Variants in HAND1 observed in about 807,000 individuals in gnomAD.
The protein encoded by HAND1 is heart and neural crest derivatives expressed 1, also known as heart- and neural crest derivatives-expressed protein 1.
A neutral mutation model predicts 14.5 loss-of-function variants in HAND1; 10 were observed. That is an observed-to-expected ratio of 0.69 (90% CI 0.42 to 1.17). HAND1 has a LOEUF of 1.17. Ranked by LOEUF, HAND1 falls within the 50% of genes most tolerant of loss-of-function variation. The pLI is 0.00. For synonymous variants in HAND1, 128 were observed against 127.1 expected, an observed-to-expected ratio of 1.01 and a Z score of -0.05; for missense variants, 299 against 298.4, an observed-to-expected ratio of 1.00 and a Z score of -0.01.
chr5:154,477,064 C>G (rs748481830), intron 1 of HAND1, among the ~76,000 whole-genome samples: 1 of 152,132 alleles, frequency 6.6e-6, no homozygotes, highest in Non-Finnish European at 1.5e-5. Flanking sequence ...AGCAAAGGCC[C>G]TTTGAAAACA....
rs1397025136 is a variant in HAND1 at position 154,477,996 on chromosome 5, C to G, written c.13G>C (p.Gly5Arg). 10 of 1,597,800 alleles carry G rather than the reference C, an allele frequency of 6.3e-6. No individual in the cohort carries two copies. Among genetic ancestry groups the G allele is most frequent in the Non-Finnish European group, 8.5e-6 (10 of 1,179,884 alleles). The change falls in exon 1 of 2, where the codon GGC (glycine) becomes CGC (arginine). Residue 5 changes from glycine (G) to arginine (R), a missense_variant. Gly to Arg is a moderately radical substitution (Grantham distance 125, BLOSUM62 -2). Transcript: ENST00000231121. The stretch of plus-strand genomic sequence containing the variant: ...TGGTGGTGATGGTGTGCGTAGCTGC[C>G]CACGAGGTTCATGTTGGAGCGGCTA... MNLV[G>R]SYAHHHHHHH...
At position 154,477,658 on chromosome 5, in the gene HAND1, C is replaced by A. The variant is rs536000696; in HGVS notation, c.351G>T (p.Leu117Phe). Residue 117 changes from leucine (L) to phenylalanine (F), a missense_variant, in exon 1 of 2, where the codon TTG (leucine) becomes TTT (phenylalanine). Physicochemically the swap from Leu to Phe is conservative, Grantham distance 22. Transcript: ENST00000231121. The part of the protein sequence containing the change: ...TESINSAFAE[L>F]RECIPNVPAD... ...CCGGCACGTTGGGGATGCACTCGCG[C>A]AACTCCGCGAATGCGCTGTTAATGC... The A allele has an allele frequency of 6.2e-7, 1 of 1,614,256 alleles. No individual in the cohort carries two copies. Among genetic ancestry groups the A allele is most frequent in the African/African-American group, 1.3e-5 (1 of 75,074 alleles).
rs929460819 is a variant in HAND1, at chr5:154,475,892, G to C, written c.562C>G (p.Pro188Ala). The change falls in exon 2 of 2, where the codon CCT becomes GCT. Residue 188 changes from proline (P) to alanine (A), a missense_variant. Transcript: ENST00000231121. ...KRELQQHEGF[P>A]PALGPVEKRI... Reference sequence around the variant, plus strand: ...TTCTCGACTGGGCCCAGGGCAGGAGGAAAACCTTCGTGCTGCTGCTGCCAA... The same window carrying C: ...TTCTCGACTGGGCCCAGGGCAGGAGCAAAACCTTCGTGCTGCTGCTGCCAA... 6.8e-6 allele frequency: 11 copies of C among 1,613,712 alleles called. No individual in the cohort carries two copies. The highest frequency in any genetic ancestry group is 9.3e-6 in the Non-Finnish European group (11 of 1,179,708).
At position 154,478,200 on chromosome 5, in the gene HAND1, G is replaced by A. The variant is rs578193925; in HGVS notation, c.-192C>T. 3.4e-5 allele frequency: 22 copies of A among 644,368 alleles called. No homozygotes were observed. Among genetic ancestry groups the A allele is most frequent in the African/African-American group, 2.7e-4 (15 of 55,058 alleles). 39.9% of individuals were successfully genotyped at this position (644,368 alleles called of 1,614,324 possible). ...GGTTTCTGCCGCGGGCGAGGTCGCC[G>A]AAGCCCAAAGACCTGTTTAACCCTT... On this transcript the variant is annotated 5_prime_UTR_variant, in exon 1 of 2. Transcript: ENST00000231121. This position sits in a 1 kb window ranked among gnomAD's most constrained non-coding sequence, Gnocchi z 4.5.
In HAND1 at chr5:154,477,831, C is replaced by G. The variant is rs202045612; in HGVS notation, c.178G>C (p.Gly60Arg). 6.3e-6 allele frequency: 10 copies of G among 1,598,250 alleles called. No homozygotes were observed. The Admixed American group carries it at 1.7e-4, about 27-fold the overall frequency. The change falls in exon 1 of 2, where the codon GGG (glycine) becomes CGG (arginine). Residue 60 changes from glycine (G) to arginine (R), a missense_variant. Transcript: ENST00000231121. ...GCTGCAGCGGCCGCGGGCGGCGGCCCGCCCGCAGGGAAGTCCGGGGCAGCG... is the reference window on the plus strand; with the variant it reads ...GCTGCAGCGGCCGCGGGCGGCGGCCGGCCCGCAGGGAAGTCCGGGGCAGCG... ...ADAAPDFPAGGPPPAAAAAAT... is the reference protein window; with the variant it reads ...ADAAPDFPAGRPPPAAAAAAT...
rs112371933 is a variant in HAND1 at position 154,476,579 on chromosome 5, A to G, written c.544-669T>C. Among the ~76,000 whole-genome samples the G allele has an allele frequency of 5.9e-3, 891 of 152,218 alleles. 9 individuals carry two copies. Among genetic ancestry groups the G allele is most frequent in the African/African-American group, 0.019 (808 of 41,552 alleles). ...CCGTTTAGAGACTCGATGCCTATTT[A>G]TCTTTCCCTCGTCCCTGGATGAGCT... On this transcript the variant is annotated intron_variant, in intron 1 of 1. Coordinates refer to ENST00000231121, the MANE Select transcript of HAND1 (RefSeq NM_004821.3).
rs1757581057 is a variant in HAND1, at chr5:154,478,194, G to T, written c.-186C>A. On this transcript the variant is annotated 5_prime_UTR_variant, in exon 1 of 2. Coordinates refer to ENST00000231121, the MANE Select transcript of HAND1 (RefSeq NM_004821.3). The surrounding 1 kb of genome is among the most constrained non-coding windows in gnomAD (Gnocchi z 4.5). Reference sequence around the variant, plus strand: ...CTTACCGGTTTCTGCCGCGGGCGAGGTCGCCGAAGCCCAAAGACCTGTTTA... The same window carrying T: ...CTTACCGGTTTCTGCCGCGGGCGAGTTCGCCGAAGCCCAAAGACCTGTTTA... 1 of 667,402 alleles carries T rather than the reference G, an allele frequency of 1.5e-6. No homozygotes were observed. Among genetic ancestry groups the T allele is most frequent in the Non-Finnish European group, 2.6e-6 (1 of 390,778 alleles). 41.3% of individuals were successfully genotyped at this position (667,402 alleles called of 1,614,324 possible).
intron 1 of HAND1, among the ~76,000 whole-genome samples, chr5:154,476,404 G>A (rs1489886201): frequency 6.6e-6 from 1 of 152,246 alleles, no homozygotes; most frequent in East Asian, 1.9e-4. Context: ...CTGGCCTAGC[G>A]TCCTCCTTCC....
At chr5:154,476,556 G>A (rs1288496291) in intron 1 of HAND1, among the ~76,000 whole-genome samples, 2 of 152,150 alleles carry the variant, frequency 1.3e-5, no homozygotes, top group Non-Finnish European at 1.5e-5. Context: ...CGGGGCAGCC[G>A]TTTAGAGACT....
In HAND1 at chr5:154,475,632, G is replaced by T. The variant is rs933443758; in HGVS notation, c.*174C>A. On this transcript the variant is annotated 3_prime_UTR_variant, in exon 2 of 2. Transcript: ENST00000231121. The stretch of plus-strand genomic sequence containing the variant: ...TAAAAAAAATCAAAGGACATTGCAC[G>T]TGCGATCCAAGTGTGTGGTTGCAGC... 3 of 632,804 alleles carry T rather than the reference G, an allele frequency of 4.7e-6. No homozygotes were observed. The highest frequency in any genetic ancestry group is 8.6e-6 in the Non-Finnish European group (3 of 350,010). 39.2% of individuals were successfully genotyped at this position (632,804 alleles called of 1,614,324 possible).
At position 154,478,016 on chromosome 5, in the gene HAND1, C is replaced by T. The variant is rs926520518; in HGVS notation, c.-8G>A. 1.3e-6 allele frequency: 2 copies of T among 1,597,172 alleles called. No homozygotes were observed. Among genetic ancestry groups the T allele is most frequent in the Non-Finnish European group, 1.7e-6 (2 of 1,179,812 alleles). On this transcript the variant is annotated 5_prime_UTR_variant, in exon 1 of 2. Transcript: ENST00000231121. This position sits in a 1 kb window ranked among gnomAD's most constrained non-coding sequence, Gnocchi z 4.5. ...GCTGCCCACGAGGTTCATGTTGGAG[C>T]GGCTACTGGCCTGCGCCGCCAGCCC...
rs752995620 is a variant in HAND1, at chr5:154,477,784, G to T, written c.225C>A (p.Asp75Glu). The change falls in exon 1 of 2, where the codon GAC (aspartate) becomes GAA (glutamate). Residue 75 changes from aspartate to glutamate, a missense_variant. Asp to Glu is a conservative substitution (Grantham distance 45). Transcript: ENST00000231121. ...GCCCGGGGCTCTGCCCAGGCCTGGCGTCAGGACCATAGGCGGTGGCGGCTG... is the reference window on the plus strand; with the variant it reads ...GCCCGGGGCTCTGCCCAGGCCTGGCTTCAGGACCATAGGCGGTGGCGGCTG... Reference protein sequence around the residue: ...AAAAATAYGPDARPGQSPGRL... With the variant: ...AAAAATAYGPEARPGQSPGRL... 1 of 1,598,708 alleles carries T rather than the reference G, an allele frequency of 6.3e-7. No homozygotes were observed.
chr5:154,477,835 C>A lies in HAND1; in HGVS notation c.174G>T (p.Ala58=). The change falls in exon 1 of 2, where the codon GCG becomes GCT. Residue 58 remains alanine, a synonymous_variant. Coordinates refer to ENST00000231121, the MANE Select transcript of HAND1 (RefSeq NM_004821.3). ...CAGCGGCCGCGGGCGGCGGCCCGCC[C>A]GCAGGGAAGTCCGGGGCAGCGTCAG... is the stretch of plus-strand genomic sequence containing the variant. The part of the protein sequence containing the change: ...SPADAAPDFP[A]GGPPPAAAAA... The A allele has an allele frequency of 6.3e-7, 1 of 1,599,234 alleles. No individual in the cohort carries two copies. Among genetic ancestry groups the A allele is most frequent in the East Asian group, 2.2e-5 (1 of 44,672 alleles).
rs773154099 is a variant in HAND1, at chr5:154,475,845, G to A, written c.609C>T (p.Gly203=). The A allele has an allele frequency of 1.2e-6, 2 of 1,613,890 alleles. No individual in the cohort carries two copies. The highest frequency in any genetic ancestry group is 2.7e-5 in the African/African-American group (2 of 74,924). The change falls in exon 2 of 2, where the codon GGC becomes GGT. Residue 203 remains glycine, a synonymous_variant. Coordinates refer to ENST00000231121, the MANE Select transcript of HAND1 (RefSeq NM_004821.3). The part of the protein sequence containing the change: ...PVEKRIKGRT[G]WPQQVWALEL... ...CCAGCGCCCAGACTTGCTGCGGCCA[G>A]CCGGTGCGTCCTTTAATCCTCTTCT...
In HAND1 at chr5:154,475,445, T is replaced by C. The variant is rs1291220324; in HGVS notation, c.*361A>G. On this transcript the variant is annotated 3_prime_UTR_variant, in exon 2 of 2. Coordinates refer to ENST00000231121, the MANE Select transcript of HAND1 (RefSeq NM_004821.3). Reference sequence around the variant, plus strand: ...AGAGAGAAAGAGCCAGATAGGGAAATGGAGATAGGGCTGAGGTTCTAAATT... The same window carrying C: ...AGAGAGAAAGAGCCAGATAGGGAAACGGAGATAGGGCTGAGGTTCTAAATT... 3.7e-6 allele frequency: 1 copy of C among 273,210 alleles called. No homozygotes were observed. Among genetic ancestry groups the C allele is most frequent in the South Asian group, 4.5e-5 (1 of 22,344 alleles). 16.9% of individuals were successfully genotyped at this position (273,210 alleles called of 1,614,324 possible).
chr5:154,476,545 C>G (rs1407082723), intron 1 of HAND1, among the ~76,000 whole-genome samples: 1 of 152,208 alleles, frequency 6.6e-6, no homozygotes, highest in Admixed American at 6.5e-5. Context: ...CATCCCCAGT[C>G]CGGGGCAGCC....
Position 154,478,073 on chromosome 5 carries a change from G to A in HAND1, c.-65C>T. 6.4e-7 allele frequency: 1 copy of A among 1,573,144 alleles called. No individual in the cohort carries two copies. Among genetic ancestry groups the A allele is most frequent in the South Asian group, 1.1e-5 (1 of 90,334 alleles). ...CGCCGCTCCATGCGCCCCAGAGACT[G>A]CCGGGGGCCACCTGTGGGCTCTGGA... On this transcript the variant is annotated 5_prime_UTR_variant, in exon 1 of 2. Transcript: ENST00000231121. This position sits in a 1 kb window ranked among gnomAD's most constrained non-coding sequence, Gnocchi z 4.5.
In HAND1 at chr5:154,477,679, A is replaced by G. The variant is rs765703979; in HGVS notation, c.330T>C (p.Ile110=). ...CGCGCAACTCCGCGAATGCGCTGTT[A>G]ATGCTCTCAGTGCGTCTCCGCTCCT... is the stretch of plus-strand genomic sequence containing the variant. ...PKKERRRTES[I]NSAFAELREC... Residue 110 remains isoleucine, a synonymous_variant, in exon 1 of 2, where the codon ATT becomes ATC. Coordinates refer to ENST00000231121, the MANE Select transcript of HAND1 (RefSeq NM_004821.3). The G allele has an allele frequency of 1.2e-6, 2 of 1,614,188 alleles. No individual in the cohort carries two copies. The highest frequency in any genetic ancestry group is 1.7e-6 in the Non-Finnish European group (2 of 1,180,032).
rs969824667 is a variant in HAND1, at chr5:154,475,495, G to T, written c.*311C>A. 4.5e-5 allele frequency: 19 copies of T among 424,480 alleles called. No homozygotes were observed. The allele number at this position is 424,480 out of a possible 1,614,324, so 26.3% of individuals were successfully genotyped here. A position where few individuals can be genotyped will look rare whatever the true frequency, so the allele number is the denominator to read the frequency against. On this transcript the variant is annotated 3_prime_UTR_variant, in exon 2 of 2. Transcript: ENST00000231121. ...TCGCTCCAAAAGGGTGGAAGAGTGCGTCTTTGAGCCCTTGGGTTCGACAGT... is the reference window on the plus strand; with the variant it reads ...TCGCTCCAAAAGGGTGGAAGAGTGCTTCTTTGAGCCCTTGGGTTCGACAGT...
Sources: gnomAD v4.1 joint callset for allele counts (sites outside exome capture counted in the v4.1 genomes callset) on GRCh38, gnomAD v4.1.1 for gene constraint, Gnocchi (gnomAD v3.1) non-coding constraint, MANE v1.5 for transcripts, NCBI Gene and HGNC (gene_info 2026-07-23, HGNC 2026-07-21) for gene names.